EDARADD: variants seen among roughly 807,000 people sequenced by gnomAD.
EDARADD encodes the protein ectodysplasin-A receptor-associated adapter protein.
Under a neutral mutation model 25.6 loss-of-function variants are expected in EDARADD, and 20 were observed. That is an observed-to-expected ratio of 0.78 (90% CI 0.55 to 1.14). The LOEUF is 1.14. EDARADD is among the 50% of genes most tolerant of loss of function. The pLI, the probability that EDARADD is intolerant of heterozygous loss-of-function variation, is 0.00. For synonymous variants in EDARADD, 86 were observed against 94.4 expected (o/e 0.91, Z 0.52); for missense variants, 225 against 270.1 (o/e 0.83, Z 1.17).
chr1:236,447,233 CCTTTCTTTCCTTTCTTTCCTTTCTTT>C (rs1658584969), intron 4 of EDARADD, among the ~76,000 whole-genome samples: 22 of 104,702 alleles, frequency 2.1e-4, no homozygotes, highest in African/African-American at 8.5e-4. Context: ...TCCTTTCTTT[CCTTTCTTTCCTTTCTTTCCTTTCTTT>C]CTTTCTTTCT....
chr1:236,484,409 G>A lies in EDARADD; in HGVS notation c.*1760G>A, dbSNP rs533536044. 9.3e-5 allele frequency: 149 copies of A among 1,610,026 alleles called. No homozygotes were observed. The African/African-American group carries it at 1.6e-3, about 17-fold the overall frequency. ...ACAACCAGCTCCTCAGAATTGAAGA[G>A]GAGCTGGGCAGCAAGGCTAAGTTTG... is the stretch of plus-strand genomic sequence containing the variant. On this transcript the variant is annotated 3_prime_UTR_variant, in exon 6 of 6. Transcript: ENST00000334232. This position sits in a 1 kb window ranked among gnomAD's most constrained non-coding sequence, Gnocchi z 4.1.
At chr1:236,388,084 A>T (rs1386793571) in intron 3 of EDARADD, among the ~76,000 whole-genome samples, 1 of 152,002 alleles carries the variant, frequency 6.6e-6, no homozygotes. Flanking sequence ...TCCAAAGCTT[A>T]CTTTTGTGTA....
Position 236,427,329 on chromosome 1 carries a change from C to T in EDARADD, c.161-63C>T, listed in dbSNP as rs636378. 839,501 of 1,529,568 alleles carry T rather than the reference C, an allele frequency of 0.55. 240,893 individuals are homozygous for T. Among genetic ancestry groups the T allele is most frequent in the Non-Finnish European group, 0.6 (666,955 of 1,117,764 alleles). 94.7% of individuals were successfully genotyped at this position (1,529,568 alleles called of 1,614,324 possible). On this transcript the variant is annotated intron_variant, in intron 3 of 5. Coordinates refer to ENST00000334232, the MANE Select transcript of EDARADD (RefSeq NM_145861.4). ...AACCTTAATTTTAGGTCTTACACCA[C>T]GGAGTGTGTGCTTTTTAAAATCACA...
intron 2 of EDARADD, among the ~76,000 whole-genome samples, chr1:236,411,751 A>G (rs1233251969): frequency 6.6e-6 from 1 of 151,992 alleles, no homozygotes; most frequent in African/African-American, 2.4e-5. Flanking sequence ...GGGTTTCACC[A>G]TGTTAGTCAG....
intron 2 of EDARADD, 141 bp from the exon 3 acceptor site, chr1:236,414,119 A>G (rs2103010230): frequency 6.9e-6 from 5 of 728,502 alleles, no homozygotes; most frequent in South Asian, 6.1e-5. Context: ...CAATCAATGG[A>G]TAAGGCCAGT....
chr1:236,445,557 A>G (rs928217132), intron 4 of EDARADD, among the ~76,000 whole-genome samples: 4 of 152,110 alleles, frequency 2.6e-5, no homozygotes, highest in Non-Finnish European at 5.9e-5. Flanking sequence ...ACTGTCCTCT[A>G]CATCTAAGGA....
intron 5 of EDARADD, among the ~76,000 whole-genome samples, chr1:236,472,583 C>T (rs1323127626): frequency 1.3e-5 from 2 of 152,172 alleles, no homozygotes; most frequent in African/African-American, 4.8e-5. Context: ...GGCTGGAGTG[C>T]AGTGGCGCAA....
chr1:236,423,768 C>T (rs1446545528), intron 3 of EDARADD, among the ~76,000 whole-genome samples: 1 of 152,078 alleles, frequency 6.6e-6, no homozygotes, highest in African/African-American at 2.4e-5. Flanking sequence ...TCATTTTAGG[C>T]ATGGGGTATG....
intron 1 of EDARADD, among the ~76,000 whole-genome samples, chr1:236,403,183 T>C (rs112294137): frequency 7.2e-5 from 11 of 152,342 alleles, no homozygotes; most frequent in African/African-American, 2.6e-4. Flanking sequence ...CTCGAACTTC[T>C]GACTTCAAGT....
intron 3 of EDARADD, among the ~76,000 whole-genome samples, chr1:236,352,258 T>A (rs756326820): frequency 2.6e-5 from 4 of 152,206 alleles, no homozygotes; most frequent in South Asian, 2.1e-4. Context: ...TTGGTTAGGT[T>A]ATTATCTCTG....
chr1:236,431,654 G>T lies in EDARADD; in HGVS notation c.219+4204G>T, dbSNP rs1186903403. 6.0e-5 allele frequency among the ~76,000 whole-genome samples: 3 copies of T among 49,904 alleles called. 1 individual carries two copies. The highest frequency in any genetic ancestry group is 2.6e-4 in the Non-Finnish European group (3 of 11,444). 32.7% of individuals were successfully genotyped at this position (49,904 alleles called of 152,430 possible). A position where few individuals can be genotyped will look rare whatever the true frequency, so the allele number is the denominator to read the frequency against. On this transcript the variant is annotated intron_variant, in intron 4 of 5. Coordinates refer to ENST00000334232, the MANE Select transcript of EDARADD (RefSeq NM_145861.4). ...ACCCCAGGCAGGGCCGGGCGCGGTG[G>T]CTCACGCCTGTAATCCCAGCACTTT...
rs1041999201 is a variant in EDARADD, at chr1:236,484,453, AC to A, written c.*1810del. The A allele has an allele frequency of 2.5e-6, 4 of 1,607,288 alleles. No individual in the cohort carries two copies. Among genetic ancestry groups the A allele is most frequent in the African/African-American group, 2.7e-5 (2 of 74,386 alleles). The stretch of plus-strand genomic sequence containing the variant: ...AAGTTTGCCGGCAGGAACTTCAGAA[AC>A]CCCCCAGCCAAGTAAGCTGTGGGCA... On this transcript the variant is annotated 3_prime_UTR_variant, in exon 6 of 6. Transcript: ENST00000334232. The surrounding 1 kb of genome is among the most constrained non-coding windows in gnomAD (Gnocchi z 4.1).
chr1:236,482,261 C>T lies in EDARADD; in HGVS notation c.266-6C>T, dbSNP rs764680952. 6.2e-7 allele frequency: 1 copy of T among 1,614,106 alleles called. No homozygotes were observed. Among genetic ancestry groups the T allele is most frequent in the Non-Finnish European group, 8.5e-7 (1 of 1,180,028 alleles). The stretch of plus-strand genomic sequence containing the variant: ...GACCTGTGGACTAAATTGTTTCTCC[C>T]TGCAGAGATCAGCAAGGACAACTCC... On this transcript the variant is annotated splice_region_variant and splice_polypyrimidine_tract_variant and intron_variant, in intron 5 of 5. Coordinates refer to ENST00000334232, the MANE Select transcript of EDARADD (RefSeq NM_145861.4).
intron 3 of EDARADD, among the ~76,000 whole-genome samples, chr1:236,364,033 G>C (rs999920959): frequency 2.3e-5 from 3 of 131,704 alleles, no homozygotes; most frequent in African/African-American, 9.1e-5. Flanking sequence ...ACATGCACCT[G>C]TAATTCCAGT....
intron 4 of EDARADD, among the ~76,000 whole-genome samples, chr1:236,460,103 G>T (rs1198048266): frequency 6.6e-6 from 1 of 151,908 alleles, no homozygotes; most frequent in African/African-American, 2.4e-5. Context: ...ATATCCCAGA[G>T]CCTAGAATGG....
chr1:236,407,610 T>C (rs1385933775), intron 1 of EDARADD, among the ~76,000 whole-genome samples: 3 of 140,634 alleles, frequency 2.1e-5, no homozygotes, highest in Non-Finnish European at 4.5e-5. Flanking sequence ...GTCTGCAATA[T>C]GTACTTAATG....
chr1:236,411,266 A>G lies in EDARADD; in HGVS notation c.120+1992A>G, dbSNP rs72753332. Among the ~76,000 whole-genome samples, 442 of 152,254 alleles carry G rather than the reference A, an allele frequency of 2.9e-3. 3 individuals carry two copies. Among genetic ancestry groups the G allele is most frequent in the Non-Finnish European group, 4.8e-3 (328 of 68,018 alleles). ...ATACCACAGACTGGGCAGCTTTCAC[A>G]ATAGAAATGTATTTGCTCCTGGTTC... On this transcript the variant is annotated intron_variant, in intron 2 of 5. Transcript: ENST00000334232.
chr1:236,390,522 CA>C (rs1667409154), upstream of EDARADD, among the ~76,000 whole-genome samples: 1 of 152,102 alleles, frequency 6.6e-6, no homozygotes. Context: ...CACTGCACTC[CA>C]GCCTGGGGGA....
chr1:236,356,276 G>C (rs1023728215), intron 3 of EDARADD, among the ~76,000 whole-genome samples: 7 of 152,160 alleles, frequency 4.6e-5, no homozygotes, highest in African/African-American at 1.7e-4. Context: ...GAGGAAGGGA[G>C]GAGATGAATA....
Sources: allele counts gnomAD v4.1 joint callset (sites outside exome capture counted in the v4.1 genomes callset), GRCh38; gene constraint gnomAD v4.1.1; non-coding constraint Gnocchi (gnomAD v3.1); transcripts MANE v1.5; gene names NCBI Gene and HGNC (gene_info 2026-07-23, HGNC 2026-07-21).